The following SHISA9 variants were observed in gnomAD, a reference collection of about 807,000 sequenced individuals.
The protein encoded by SHISA9 is shisa family member 9.
In SHISA9, 13 loss-of-function variants were observed where a neutral mutation model predicts 38.0. The observed-to-expected ratio is 0.34, with a 90% CI of 0.22 to 0.54. SHISA9 has a LOEUF of 0.54. SHISA9 is among the 20% of genes least tolerant of loss of function. The probability of loss-of-function intolerance (pLI) is 0.91; values close to 1 mark genes in which losing one functional copy is unlikely to be tolerated. For missense variants in SHISA9, 538 were observed against 575.8 expected (o/e 0.93, Z 0.67); for synonymous variants, 275 against 242.0 (o/e 1.14, Z -1.27).
intron 2 of SHISA9, among the ~76,000 whole-genome samples, chr16:12,954,219 G>A (rs1161559135): frequency 6.6e-6 from 1 of 152,208 alleles, no homozygotes; most frequent in Admixed American, 6.5e-5. Context: ...CTGTGCAAAG[G>A]CGTAGAGATG....
At chr16:13,340,201 A>G in the SHISA9 span, among the ~76,000 whole-genome samples, 3 of 152,190 alleles carry the variant, frequency 2.0e-5, no homozygotes, top group Admixed American at 6.5e-5. Context: ...CTCATTTTAC[A>G]GAGGAGGAAG....
the SHISA9 span, among the ~76,000 whole-genome samples, chr16:13,319,644 G>A: frequency 1.3e-5 from 2 of 151,910 alleles, no homozygotes; most frequent in Non-Finnish European, 2.9e-5. Context: ...GGAGCAGGGG[G>A]GTTACTCAGA....
chr16:13,278,654 T>G, the SHISA9 span, among the ~76,000 whole-genome samples: 2 of 151,936 alleles, frequency 1.3e-5, no homozygotes, highest in East Asian at 3.9e-4. Flanking sequence ...AGGGTTGTAT[T>G]TTTCCAAGAA....
chr16:13,188,418 C>T (rs12325251), intron 2 of SHISA9, among the ~76,000 whole-genome samples: 1 of 152,118 alleles, frequency 6.6e-6, no homozygotes, highest in East Asian at 1.9e-4. Flanking sequence ...CCGTCCTGAC[C>T]TCAGAAAGGT....
intron 2 of SHISA9, among the ~76,000 whole-genome samples, chr16:12,969,953 A>G (rs2072033422): frequency 6.6e-6 from 1 of 152,122 alleles, no homozygotes; most frequent in Non-Finnish European, 1.5e-5. Context: ...ATATGCAGGG[A>G]AAAAATAATC....
chr16:13,530,047 C>T, the SHISA9 span, among the ~76,000 whole-genome samples: 1 of 152,316 alleles, frequency 6.6e-6, no homozygotes, highest in East Asian at 1.9e-4. Context: ...ACCTGTAATC[C>T]CCACACTTTG....
chr16:13,462,532 C>T, the SHISA9 span, among the ~76,000 whole-genome samples: 1 of 151,936 alleles, frequency 6.6e-6, no homozygotes, highest in Non-Finnish European at 1.5e-5. Flanking sequence ...ACAGGCAAAA[C>T]TGCAATGTAG....
the SHISA9 span, among the ~76,000 whole-genome samples, chr16:13,363,409 T>C: frequency 6.6e-6 from 1 of 152,182 alleles, no homozygotes; most frequent in Non-Finnish European, 1.5e-5. Context: ...TTTGTGGAAT[T>C]AAAGCATGAA....
intron 1 of SHISA9, chr16:12,902,831 TGTTCGTGTGTGTGTGAGC>T: frequency 6.7e-6 from 4 of 593,778 alleles, no homozygotes; most frequent in African/African-American, 4.0e-5. Flanking sequence ...GGTCTGAGCG[TGTTCGTGTGTGTGTGAGC>T]GTGTGTGTGT....
chr16:13,217,247 C>T (rs1171814112), intron 4 of SHISA9, among the ~76,000 whole-genome samples: 2 of 152,024 alleles, frequency 1.3e-5, no homozygotes, highest in Non-Finnish European at 2.9e-5. Context: ...CACTGCACCC[C>T]AGCCTGGGTG....
chr16:13,363,818 G>A, the SHISA9 span, among the ~76,000 whole-genome samples: 1 of 152,136 alleles, frequency 6.6e-6, no homozygotes, highest in Admixed American at 6.5e-5. Flanking sequence ...TTCAAATCAC[G>A]GAAGATTACT....
chr16:13,128,915 A>T (rs2050283841), intron 2 of SHISA9, among the ~76,000 whole-genome samples: 2 of 152,212 alleles, frequency 1.3e-5, no homozygotes, highest in Non-Finnish European at 2.9e-5. Context: ...TTCATGTGCA[A>T]ATCCACCTCT....
chr16:13,404,976 CG>C, the SHISA9 span, among the ~76,000 whole-genome samples: 4 of 152,168 alleles, frequency 2.6e-5, no homozygotes, highest in African/African-American at 4.8e-5. Flanking sequence ...TCCATTCAAA[CG>C]TTACCTCCTA....
chr16:13,115,547 C>T (rs1264471141), intron 2 of SHISA9, among the ~76,000 whole-genome samples: 1 of 152,220 alleles, frequency 6.6e-6, no homozygotes, highest in Admixed American at 6.5e-5. Context: ...TCCTTGCCCT[C>T]ATTCCCTTAA....
At chr16:13,516,554 C>T in the SHISA9 span, among the ~76,000 whole-genome samples, 73 of 152,270 alleles carry the variant, frequency 4.8e-4, no homozygotes, top group East Asian at 9.1e-3. Context: ...AATCCCAGCA[C>T]TTTGGGAGGC....
At chr16:12,970,412 TATATAC>T (rs1202675920) in intron 2 of SHISA9, among the ~76,000 whole-genome samples, 477 of 15,354 alleles carry the variant, frequency 0.031, 17 homozygotes, top group African/African-American at 0.077. Context: ...TACATATATA[TATATAC>T]ACATATATGT....
the SHISA9 span, among the ~76,000 whole-genome samples, chr16:13,261,489 C>A: frequency 9.2e-5 from 14 of 152,154 alleles, no homozygotes; most frequent in Non-Finnish European, 1.6e-4. Context: ...CCAATGCAAA[C>A]TGAGGTTCTT....
At chr16:13,207,277 T>C (rs575605973) in intron 3 of SHISA9, among the ~76,000 whole-genome samples, 1 of 152,254 alleles carries the variant, frequency 6.6e-6, no homozygotes, top group South Asian at 2.1e-4. Flanking sequence ...CAGAGGGATA[T>C]TCTAACAGAA....
chr16:12,973,375 G>A (rs1005164494), intron 2 of SHISA9, among the ~76,000 whole-genome samples: 1 of 152,168 alleles, frequency 6.6e-6, no homozygotes, highest in South Asian at 2.1e-4. Flanking sequence ...CTGTTGTTTC[G>A]CTGGAGAGTT....
Sources: allele counts gnomAD v4.1 joint callset (sites outside exome capture counted in the v4.1 genomes callset), GRCh38; gene constraint gnomAD v4.1.1; transcripts MANE v1.5; gene names NCBI Gene and HGNC (gene_info 2026-07-23, HGNC 2026-07-21).